The following KDM4C variants were observed in gnomAD, a reference collection of about 807,000 sequenced individuals.
The protein encoded by KDM4C is lysine-specific demethylase 4C.
Under a neutral mutation model 129.3 loss-of-function variants are expected in KDM4C, and 81 were observed. That is an observed-to-expected ratio of 0.63 (90% confidence interval 0.52 to 0.75). KDM4C has a LOEUF of 0.75. Among genes scored for constraint, KDM4C ranks in the 30% least tolerant of loss-of-function variants. KDM4C has a pLI of 0.00. For missense variants in KDM4C, 1,457 were observed against 1,304.0 expected, an observed-to-expected ratio of 1.12 and a Z score of -1.81; for synonymous variants, 573 against 456.1, an observed-to-expected ratio of 1.26 and a Z score of -3.26.
intron 21 of KDM4C, chr9:7,170,572 G>A (rs1844856640): frequency 1.0e-6 from 1 of 952,396 alleles, no homozygotes; most frequent in Admixed American, 6.2e-5. Flanking sequence ...TCATATTATT[G>A]TATCATAAAA....
At chr9:6,927,102 T>C (rs143324708) in intron 8 of KDM4C, among the ~76,000 whole-genome samples, 34 of 147,770 alleles carry the variant, frequency 2.3e-4, no homozygotes, top group Middle Eastern at 7.0e-3. Flanking sequence ...TATCTATCTA[T>C]CTATCTATCT....
rs1833245992 is a variant in KDM4C at position 7,071,882 on chromosome 9, C to T, written c.2424+22682C>T. Among the ~76,000 whole-genome samples the T allele has an allele frequency of 2.0e-5, 3 of 152,084 alleles. No individual in the cohort carries two copies. The South Asian group carries it at 6.2e-4, about 32-fold the overall frequency. ...ATCTGAAAGACACTGTTTGAGAAGC[C>T]ACAGACTGGGACAGAATATTTGCAC... On this transcript the variant is annotated intron_variant, in intron 17 of 21. Transcript: ENST00000381309.
At chr9:6,794,620 A>G (rs1827374242) in intron 2 of KDM4C, among the ~76,000 whole-genome samples, 1 of 152,214 alleles carries the variant, frequency 6.6e-6, no homozygotes. Flanking sequence ...TGGGATAGTT[A>G]TATTTATCTA....
At chr9:7,131,082 A>G (rs1017599764) in intron 19 of KDM4C, among the ~76,000 whole-genome samples, 34 of 151,724 alleles carry the variant, frequency 2.2e-4, no homozygotes, top group African/African-American at 8.2e-4. Context: ...TAACTTCTTC[A>G]GGAAAAAAAC....
chr9:7,004,435 G>A (rs1821284392), intron 12 of KDM4C, among the ~76,000 whole-genome samples: 1 of 151,978 alleles, frequency 6.6e-6, no homozygotes, highest in Non-Finnish European at 1.5e-5. Context: ...AATAGAATTG[G>A]CAATGTTCCC....
At position 7,170,103 on chromosome 9, in the gene KDM4C, A is replaced by G. The variant is rs188475860; in HGVS notation, c.2994+213A>G. ...ATGCATGTGCTTTACTTTTCTTCTA[A>G]TGAAGTCACATGATGCTTCTTTGTG... On this transcript the variant is annotated intron_variant, in intron 21 of 21. Transcript: ENST00000381309. 10 of 1,439,790 alleles carry G rather than the reference A, an allele frequency of 6.9e-6. No homozygotes were observed. In the Admixed American group the frequency reaches 1.7e-4, roughly 24 times the overall value. The allele number at this position is 1,439,790 out of a possible 1,614,324, so 89.2% of individuals were successfully genotyped here.
intron 4 of KDM4C, among the ~76,000 whole-genome samples, chr9:6,843,840 A>G (rs1000527953): frequency 6.6e-6 from 1 of 152,242 alleles, no homozygotes. Context: ...CTTTTTTGTA[A>G]TATTTGATGG....
At chr9:7,152,638 A>G (rs1376497922) in intron 19 of KDM4C, among the ~76,000 whole-genome samples, 1 of 152,226 alleles carries the variant, frequency 6.6e-6, no homozygotes, top group Non-Finnish European at 1.5e-5. Flanking sequence ...AAGTCACAAC[A>G]CTTTGAACTT....
In KDM4C at chr9:7,117,043, T is replaced by TA. The variant is rs1294270376; in HGVS notation, c.2611-11022dup. Among the ~76,000 whole-genome samples, 3 of 152,336 alleles carry TA rather than the reference T, an allele frequency of 2.0e-5. No homozygotes were observed. The East Asian group carries it at 5.8e-4, about 29-fold the overall frequency. The stretch of plus-strand genomic sequence containing the variant: ...TCATAGTAAACTTGTGTGTGGTACA[T>TA]ATTATGATTATACCCATGTGACAGG... On this transcript the variant is annotated intron_variant, in intron 18 of 21. Transcript: ENST00000381309.
chr9:6,749,287 G>C (rs966292908), intron 1 of KDM4C, among the ~76,000 whole-genome samples: 3 of 152,156 alleles, frequency 2.0e-5, no homozygotes, highest in Non-Finnish European at 2.9e-5. Flanking sequence ...CCAAAGTGCT[G>C]GGATTGCAGG....
chr9:7,135,105 G>C (rs184338886), intron 19 of KDM4C, among the ~76,000 whole-genome samples: 1 of 152,260 alleles, frequency 6.6e-6, no homozygotes, highest in Admixed American at 6.5e-5. Flanking sequence ...CGAATTGTGT[G>C]TGTCTCACTG....
chr9:6,935,124 G>T (rs1188776131), intron 8 of KDM4C, among the ~76,000 whole-genome samples: 1 of 151,940 alleles, frequency 6.6e-6, no homozygotes, highest in African/African-American at 2.4e-5. Context: ...TTTAACCAGG[G>T]AAAAAGTTGT....
At chr9:6,993,789 G>T (rs1033986494) in intron 12 of KDM4C, among the ~76,000 whole-genome samples, 1 of 152,216 alleles carries the variant, frequency 6.6e-6, no homozygotes, top group African/African-American at 2.4e-5. Flanking sequence ...GGTTGGTGAG[G>T]ATGCCTGCTC....
Position 6,952,806 on chromosome 9 carries a change from A to T in KDM4C, c.922-28119A>T, listed in dbSNP as rs1290053137. On this transcript the variant is annotated intron_variant, in intron 8 of 21. Transcript: ENST00000381309. ...TTCCAGTGACATAAGTGCTCTTAGA[A>T]AGATGAACGTAAGATAAATAGGTTA... is the stretch of plus-strand genomic sequence containing the variant. Among the ~76,000 whole-genome samples, 3 of 152,190 alleles carry T rather than the reference A, an allele frequency of 2.0e-5. No homozygotes were observed. The East Asian group carries it at 5.8e-4, about 29-fold the overall frequency.
intron 2 of KDM4C, among the ~76,000 whole-genome samples, chr9:6,799,517 A>G (rs1280735925): frequency 2.0e-5 from 3 of 150,866 alleles, no homozygotes; most frequent in Non-Finnish European, 4.4e-5. Flanking sequence ...TGGCAGCAGC[A>G]CAGTCCAACT....
chr9:6,930,483 C>T (rs1823472468), intron 8 of KDM4C, among the ~76,000 whole-genome samples: 1 of 150,034 alleles, frequency 6.7e-6, no homozygotes, highest in Non-Finnish European at 1.5e-5. Context: ...ACATAATATA[C>T]AAAATATATA....
intron 18 of KDM4C, among the ~76,000 whole-genome samples, chr9:7,112,163 C>G (rs1838395808): frequency 6.6e-6 from 1 of 152,170 alleles, no homozygotes; most frequent in South Asian, 2.1e-4. Flanking sequence ...AGAAGAGTTT[C>G]TCATTTAGGC....
chr9:7,040,230 C>T (rs1828325993), intron 15 of KDM4C, among the ~76,000 whole-genome samples: 1 of 151,946 alleles, frequency 6.6e-6, no homozygotes, highest in Non-Finnish European at 1.5e-5. Context: ...CTATACTCCA[C>T]AGTGTTATTA....
intron 8 of KDM4C, among the ~76,000 whole-genome samples, chr9:6,967,022 A>G (rs1317454158): frequency 6.6e-6 from 1 of 152,200 alleles, no homozygotes; most frequent in African/African-American, 2.4e-5. Context: ...AGGATAAAAC[A>G]TTTGCAAAAC....
Sources: allele counts gnomAD v4.1 joint callset (sites outside exome capture counted in the v4.1 genomes callset), GRCh38; gene constraint gnomAD v4.1.1; transcripts MANE v1.5; gene names NCBI Gene and HGNC (gene_info 2026-07-23, HGNC 2026-07-21).